SPHKAP: variants seen among roughly 807,000 people sequenced by gnomAD.
SPHKAP encodes the protein SPHK1 interactor, AKAP domain containing.
A neutral mutation model predicts 137.5 loss-of-function variants in SPHKAP; 67 were observed. The ratio of observed to expected loss-of-function variants is 0.49; its 90% CI spans 0.40 to 0.60. The LOEUF (loss-of-function observed/expected upper bound fraction) is 0.60, where lower values mean the gene tolerates loss of function less well. SPHKAP is among the 20% of genes least tolerant of loss of function. SPHKAP has a pLI of 0.00. For missense variants in SPHKAP, 2,097 were observed against 2,069.3 expected, an observed-to-expected ratio of 1.01 and a Z score of -0.26; for synonymous variants, 813 against 785.3, an observed-to-expected ratio of 1.04 and a Z score of -0.59.
chr2:228,063,174 A>ATCTG (rs1553536379), intron 3 of SPHKAP, among the ~76,000 whole-genome samples: 2,362 of 147,204 alleles, frequency 0.016, 31 homozygotes, highest in African/African-American at 0.017. Context: ...CTATCTATCT[A>ATCTG]TCTGTCTGTC....
At chr2:228,004,112 A>T (rs1331809638) in intron 7 of SPHKAP, among the ~76,000 whole-genome samples, 1 of 152,146 alleles carries the variant, frequency 6.6e-6, no homozygotes, top group Non-Finnish European at 1.5e-5. Context: ...TTTTCAATTG[A>T]TTGGAATAGT....
At chr2:228,036,058 T>C (rs1041252692) in intron 3 of SPHKAP, among the ~76,000 whole-genome samples, 3 of 150,542 alleles carry the variant, frequency 2.0e-5, no homozygotes, top group Non-Finnish European at 2.9e-5. Flanking sequence ...AAAGAGCTTC[T>C]GCACAGCAAA....
At chr2:228,170,213 T>C (rs1700543656) in intron 1 of SPHKAP, among the ~76,000 whole-genome samples, 1 of 152,142 alleles carries the variant, frequency 6.6e-6, no homozygotes, top group Non-Finnish European at 1.5e-5. Context: ...GCAAATAAAT[T>C]TTTTTGTTTG....
chr2:228,016,862 G>A lies in SPHKAP; in HGVS notation c.3992C>T (p.Ala1331Val), dbSNP rs1340251477. 1 of 1,614,068 alleles carries A rather than the reference G, an allele frequency of 6.2e-7. No individual in the cohort carries two copies. The highest frequency in any genetic ancestry group is 8.5e-7 in the Non-Finnish European group (1 of 1,180,012). Residue 1331 changes from alanine to valine, a missense_variant, in exon 7 of 12, where the codon GCT becomes GTT. Transcript: ENST00000392056. ...NKIIVDDAEEADTEPVSGGSP... is the reference protein window; with the variant it reads ...NKIIVDDAEEVDTEPVSGGSP... The stretch of plus-strand genomic sequence containing the variant: ...GCCACCAGAAACAGGCTCAGTGTCA[G>A]CTTCCTCTGCATCATCCACAATGAT...
intron 1 of SPHKAP, among the ~76,000 whole-genome samples, chr2:228,165,115 C>T (rs1700385929): frequency 6.6e-6 from 1 of 151,538 alleles, no homozygotes; most frequent in African/African-American, 2.4e-5. Flanking sequence ...TATATTAGAC[C>T]TTAACTCTCT....
chr2:228,089,659 AG>A (rs1697656437), intron 3 of SPHKAP, among the ~76,000 whole-genome samples: 1 of 152,220 alleles, frequency 6.6e-6, no homozygotes, highest in Non-Finnish European at 1.5e-5. Flanking sequence ...GAAAGGCTTC[AG>A]GGGCAGGCAC....
chr2:228,063,673 CAG>C (rs1401231006), intron 3 of SPHKAP, among the ~76,000 whole-genome samples: 1 of 152,120 alleles, frequency 6.6e-6, no homozygotes, highest in Non-Finnish European at 1.5e-5. Flanking sequence ...TGAAACACGA[CAG>C]AGTTTAGGTG....
chr2:228,038,511 A>G (rs925273353), intron 3 of SPHKAP, among the ~76,000 whole-genome samples: 6 of 152,234 alleles, frequency 3.9e-5, no homozygotes, highest in African/African-American at 1.2e-4. Flanking sequence ...CCACCAGCCA[A>G]TGGAGAACAA....
chr2:228,012,925 T>C (rs1694444454), intron 7 of SPHKAP, among the ~76,000 whole-genome samples: 1 of 152,228 alleles, frequency 6.6e-6, no homozygotes, highest in Non-Finnish European at 1.5e-5. Flanking sequence ...AAAGTGATTT[T>C]TATTTCAGTA....
intron 1 of SPHKAP, among the ~76,000 whole-genome samples, chr2:228,139,950 T>TC (rs1559195557): frequency 1.3e-5 from 1 of 78,736 alleles, no homozygotes; most frequent in East Asian, 6.2e-4. Context: ...CTTTTCTTTT[T>TC]TCTTTTTCTT....
intron 7 of SPHKAP, among the ~76,000 whole-genome samples, chr2:228,001,312 C>T (rs1030924634): frequency 2.2e-5 from 3 of 138,996 alleles, no homozygotes; most frequent in Admixed American, 7.5e-5. Flanking sequence ...TATATCTATA[C>T]ATATATAAAT....
chr2:228,069,368 TG>T (rs1188120848), intron 3 of SPHKAP, among the ~76,000 whole-genome samples: 1 of 152,182 alleles, frequency 6.6e-6, no homozygotes, highest in Non-Finnish European at 1.5e-5. Context: ...GTCCACTCCT[TG>T]CACTGTACCT....
intron 11 of SPHKAP, among the ~76,000 whole-genome samples, chr2:227,989,124 T>C (rs939538452): frequency 1.3e-5 from 2 of 152,130 alleles, no homozygotes; most frequent in East Asian, 1.9e-4. Context: ...GTAAAGAACA[T>C]TTCATTTCAG....
At chr2:227,985,551 C>T (rs747660765) in intron 11 of SPHKAP, among the ~76,000 whole-genome samples, 13 of 152,024 alleles carry the variant, frequency 8.6e-5, no homozygotes, top group African/African-American at 1.7e-4. Context: ...TTTTTCTTTC[C>T]GCTGCATTGA....
At chr2:228,006,371 G>A (rs887560057) in intron 7 of SPHKAP, among the ~76,000 whole-genome samples, 1 of 152,094 alleles carries the variant, frequency 6.6e-6, no homozygotes, top group Admixed American at 6.5e-5. Flanking sequence ...TAATTCTCGT[G>A]CCACGGTTTT....
intron 3 of SPHKAP, among the ~76,000 whole-genome samples, chr2:228,063,477 G>C (rs1451077536): frequency 6.6e-6 from 1 of 152,198 alleles, no homozygotes; most frequent in East Asian, 1.9e-4. Context: ...ACAAACTATA[G>C]AGTGGCTACA....
At chr2:228,068,084 T>C (rs1696884598) in intron 3 of SPHKAP, among the ~76,000 whole-genome samples, 1 of 152,184 alleles carries the variant, frequency 6.6e-6, no homozygotes, top group Non-Finnish European at 1.5e-5. Context: ...ATGCCAACAG[T>C]GAACAATCTG....
chr2:228,146,213 C>A (rs1337389731), intron 1 of SPHKAP, among the ~76,000 whole-genome samples: 2 of 152,158 alleles, frequency 1.3e-5, no homozygotes, highest in African/African-American at 2.4e-5. Flanking sequence ...TATCCCCAGC[C>A]ATAGTGGTAC....
chr2:228,171,166 T>G (rs1700573846), intron 1 of SPHKAP, among the ~76,000 whole-genome samples: 1 of 152,120 alleles, frequency 6.6e-6, no homozygotes, highest in Non-Finnish European at 1.5e-5. Flanking sequence ...TTCAAGTGCT[T>G]CCAATTTTGT....
Sources: allele counts gnomAD v4.1 joint callset (sites outside exome capture counted in the v4.1 genomes callset), GRCh38; gene constraint gnomAD v4.1.1; transcripts MANE v1.5; gene names NCBI Gene and HGNC (gene_info 2026-07-23, HGNC 2026-07-21).